PLEKHG5: variants seen among roughly 807,000 people sequenced by gnomAD.
The protein encoded by PLEKHG5 is pleckstrin homology domain-containing family G member 5.
A neutral mutation model predicts 103.8 loss-of-function variants in PLEKHG5; 52 were observed. The observed-to-expected ratio is 0.50, with a 90% CI of 0.40 to 0.63. PLEKHG5 has a LOEUF of 0.63. Ranked by LOEUF, PLEKHG5 falls within the 30% of genes least tolerant of loss-of-function variation. The pLI is 0.00. For missense variants in PLEKHG5, 1,205 were observed against 1,347.6 expected, an observed-to-expected ratio of 0.89 and a Z score of 1.66; for synonymous variants, 592 against 575.5, an observed-to-expected ratio of 1.03 and a Z score of -0.41.
At chr1:6,507,598 G>A (rs1336141422) in intron 1 of PLEKHG5, among the ~76,000 whole-genome samples, 1 of 152,182 alleles carries the variant, frequency 6.6e-6, no homozygotes, top group East Asian at 1.9e-4. Flanking sequence ...GAGGGAGCTG[G>A]CAGCAGAAGG....
At chr1:6,476,101 TC>T in intron 2 of PLEKHG5, 65 bp from the exon 3 acceptor site, 1 of 1,381,538 alleles carries the variant, frequency 7.2e-7, no homozygotes, top group Non-Finnish European at 1.0e-6. Context: ...CATGGCTGCC[TC>T]CAGAGGGACC....
chr1:6,498,195 T>C (rs1246483111), upstream of PLEKHG5, among the ~76,000 whole-genome samples: 1 of 152,188 alleles, frequency 6.6e-6, no homozygotes. Flanking sequence ...CAGCCCACCC[T>C]GCACACTGGC....
chr1:6,480,877 C>G (rs183808663), intron 1 of PLEKHG5, among the ~76,000 whole-genome samples: 1 of 151,982 alleles, frequency 6.6e-6, no homozygotes, highest in Non-Finnish European at 1.5e-5. Context: ...CTGGGCTCAA[C>G]TGATCCGCCC....
intron 1 of PLEKHG5, among the ~76,000 whole-genome samples, chr1:6,516,090 A>G (rs1358345552): frequency 6.6e-6 from 1 of 152,198 alleles, no homozygotes; most frequent in Non-Finnish European, 1.5e-5. Context: ...TCACAAGTGC[A>G]CACAGACACA....
At position 6,486,886 on chromosome 1, in the gene PLEKHG5, C is replaced by T. The variant is rs1017894235; in HGVS notation, c.-88+4751G>A. On this transcript the variant is annotated intron_variant, in intron 1 of 20. Coordinates refer to ENST00000377728, the MANE Select transcript of PLEKHG5 (RefSeq NM_020631.6). This position sits in a 1 kb window ranked among gnomAD's most constrained non-coding sequence, Gnocchi z 5.3. ...GCCTCCTTGGGACACTCCTCAGAAC[C>T]CATGGGGGTGAGGTGGCCATGCTGT... Among the ~76,000 whole-genome samples the T allele has an allele frequency of 1.3e-5, 2 of 152,172 alleles. No homozygotes were observed. Among genetic ancestry groups the T allele is most frequent in the Non-Finnish European group, 2.9e-5 (2 of 68,030 alleles).
Position 6,473,111 on chromosome 1 carries a change from T to C in PLEKHG5, c.859A>G (p.Arg287Gly), listed in dbSNP as rs1644645197. Reference protein sequence around the residue: ...LHTYSLFGLPRLPRGLRFDHD... With the variant: ...LHTYSLFGLPGLPRGLRFDHD... ...TCGAAGCGCAGCCCCCGGGGCAGCC[T>C]GGGCAGCCCGAAGAGGCTGTAGGTG... The change falls in exon 9 of 21, where the codon AGG becomes GGG. Residue 287 changes from arginine to glycine, a missense_variant. By Grantham distance (125) the Arg-to-Gly change is moderately radical (BLOSUM62 -2). Transcript: ENST00000377728. 1.2e-6 allele frequency: 2 copies of C among 1,613,820 alleles called. No homozygotes were observed. Among genetic ancestry groups the C allele is most frequent in the African/African-American group, 1.3e-5 (1 of 75,056 alleles).
At chr1:6,477,400 C>T (rs1247227114) in intron 2 of PLEKHG5, 129 bp downstream of exon 2, 4 of 978,272 alleles carry the variant, frequency 4.1e-6, no homozygotes, top group Non-Finnish European at 6.4e-6. Flanking sequence ...CAAAAGGAAC[C>T]GTAACATACT....
intron 1 of PLEKHG5, among the ~76,000 whole-genome samples, chr1:6,483,037 G>A (rs1569927177): frequency 6.6e-6 from 1 of 152,200 alleles, no homozygotes; most frequent in Non-Finnish European, 1.5e-5. Flanking sequence ...CCACATTCAC[G>A]CCCTCTCATG....
chr1:6,479,897 C>CACT (rs1337214302), intron 1 of PLEKHG5, among the ~76,000 whole-genome samples: 1 of 152,200 alleles, frequency 6.6e-6, no homozygotes, highest in East Asian at 1.9e-4. Context: ...AGGCATGAGC[C>CACT]ACTGTGCCTG....
chr1:6,471,967 C>CT (rs1234961523), intron 10 of PLEKHG5, among the ~76,000 whole-genome samples, 159 bp from the exon 11 acceptor site: 1 of 152,232 alleles, frequency 6.6e-6, no homozygotes, highest in Non-Finnish European at 1.5e-5. Flanking sequence ...GCCTTCGCAC[C>CT]TGGGTAGTCC....
At chr1:6,474,235 C>T in intron 6 of PLEKHG5, 71 bp from the exon 7 acceptor site, 2 of 1,563,352 alleles carry the variant, frequency 1.3e-6, no homozygotes, top group Non-Finnish European at 8.7e-7. Context: ...GGTCCTCTCT[C>T]CCCGGAGGAT....
intron 16 of PLEKHG5, 47 bp downstream of exon 16, chr1:6,470,189 G>T (rs1225391529): frequency 1.9e-6 from 3 of 1,603,948 alleles, no homozygotes; most frequent in Non-Finnish European, 2.6e-6. Flanking sequence ...GGCCCAGGAG[G>T]TCCCTAGGAA....
rs1644799258 is a variant in PLEKHG5 at position 6,477,649 on chromosome 1, G to T, written c.-78C>A. On this transcript the variant is annotated 5_prime_UTR_variant, in exon 2 of 21. Transcript: ENST00000377728. The stretch of plus-strand genomic sequence containing the variant: ...CGGTGCAGCTGCTGGCAGTCGGCGT[G>T]GTGACATACCTGGGGTGGGGACAGA... The T allele has an allele frequency of 5.0e-6, 8 of 1,603,896 alleles. No homozygotes were observed. In the South Asian group the frequency reaches 8.8e-5, roughly 18 times the overall value.
intron 1 of PLEKHG5, among the ~76,000 whole-genome samples, chr1:6,479,626 T>A (rs1215256013): frequency 2.0e-5 from 3 of 151,558 alleles, no homozygotes; most frequent in Non-Finnish European, 2.9e-5. Flanking sequence ...TTTTTTTTTT[T>A]CTTCAAGACA....
Position 6,474,037 on chromosome 1 carries a change from G to A in PLEKHG5, c.567C>T (p.Ser189=), listed in dbSNP as rs769086474. 3.7e-6 allele frequency: 6 copies of A among 1,608,784 alleles called. No homozygotes were observed. The African/African-American group carries it at 8.0e-5, about 22-fold the overall frequency. The change falls in exon 7 of 21, where the codon AGC becomes AGT. Residue 189 remains serine, a synonymous_variant. Coordinates refer to ENST00000377728, the MANE Select transcript of PLEKHG5 (RefSeq NM_020631.6). Reference sequence around the variant, plus strand: ...CCAAGATGTCCAGGCTCTCCCGGCGGCTCTGGGCGTCCACACGCTCCAGGG... The same window carrying A: ...CCAAGATGTCCAGGCTCTCCCGGCGACTCTGGGCGTCCACACGCTCCAGGG... ...PPALERVDAQ[S]RRESLDILAP...
intron 1 of PLEKHG5, among the ~76,000 whole-genome samples, chr1:6,502,742 G>A (rs966417728): frequency 3.3e-5 from 5 of 152,222 alleles, no homozygotes; most frequent in East Asian, 1.9e-4. Context: ...CACAGGCAGG[G>A]CTGGCATCGG....
Position 6,485,001 on chromosome 1 carries a change from G to A in PLEKHG5, c.-88+6636C>T, listed in dbSNP as rs536586074. Among the ~76,000 whole-genome samples the A allele has an allele frequency of 7.2e-5, 11 of 152,300 alleles. No individual in the cohort carries two copies. The South Asian group carries it at 2.3e-3, about 32-fold the overall frequency. ...AGGAGGAGGCTGTGGGCAGGGCCAGGGCAGAGGAAGGAAAGGAGAGGGGCG... is the reference window on the plus strand; with the variant it reads ...AGGAGGAGGCTGTGGGCAGGGCCAGAGCAGAGGAAGGAAAGGAGAGGGGCG... On this transcript the variant is annotated intron_variant, in intron 1 of 20. Transcript: ENST00000377728.
At chr1:6,504,164 C>T (rs1638232889) in intron 1 of PLEKHG5, among the ~76,000 whole-genome samples, 3 of 152,192 alleles carry the variant, frequency 2.0e-5, no homozygotes, top group African/African-American at 7.2e-5. Context: ...AGGCAGGAAG[C>T]TGCCGGGTGA....
At chr1:6,470,449 T>G (rs916987246) in intron 15 of PLEKHG5, 57 bp downstream of exon 15, 18 of 1,611,376 alleles carry the variant, frequency 1.1e-5, no homozygotes, top group Non-Finnish European at 1.4e-5. Context: ...AGCCCCTGCC[T>G]GCCAGCTGGG....
Sources: gnomAD v4.1 joint callset for allele counts (sites outside exome capture counted in the v4.1 genomes callset) on GRCh38, gnomAD v4.1.1 for gene constraint, Gnocchi (gnomAD v3.1) non-coding constraint, MANE v1.5 for transcripts, NCBI Gene and HGNC (gene_info 2026-07-23, HGNC 2026-07-21) for gene names.